Variants in FABP6 observed in about 807,000 individuals in gnomAD.
FABP6 encodes fatty acid binding protein 6, also known as gastrotropin.
In FABP6, 13 loss-of-function variants were observed where a neutral mutation model predicts 14.9. The observed-to-expected ratio is 0.87, with a 90% CI of 0.57 to 1.39. The LOEUF is 1.39. Among genes scored for constraint, FABP6 ranks in the 40% most tolerant of loss-of-function variants. FABP6 has a pLI of 0.00. For synonymous variants in FABP6, 75 were observed against 63.6 expected (o/e 1.18, Z -0.85); for missense variants, 161 against 167.2 (o/e 0.96, Z 0.20).
At chr5:160,211,729 C>A (rs188755313) in intron 2 of FABP6, among the ~76,000 whole-genome samples, 3 of 152,282 alleles carry the variant, frequency 2.0e-5, no homozygotes, top group Admixed American at 2.0e-4. Context: ...TTACTCCATA[C>A]GTTTCCAAAA....
At chr5:160,235,813 C>T (rs941584741) in intron 3 of FABP6, among the ~76,000 whole-genome samples, 8 of 152,082 alleles carry the variant, frequency 5.3e-5, no homozygotes, top group African/African-American at 9.7e-5. Flanking sequence ...CTTGTGCCCA[C>T]ATCTCAAGCC....
At chr5:160,214,105 TTCTTTCTTTC>T (rs1759957368) in intron 3 of FABP6, among the ~76,000 whole-genome samples, 1 of 123,304 alleles carries the variant, frequency 8.1e-6, no homozygotes, top group Non-Finnish European at 1.7e-5. Flanking sequence ...CTTTCTTTCT[TTCTTTCTTTC>T]TTTCTTTCTT....
At chr5:160,224,383 A>G (rs1198460227) in intron 3 of FABP6, among the ~76,000 whole-genome samples, 1 of 152,194 alleles carries the variant, frequency 6.6e-6, no homozygotes, top group Non-Finnish European at 1.5e-5. Flanking sequence ...TTTTTGTGCC[A>G]CTGCACTCCA....
At chr5:160,192,398 A>G (rs1173012278) in intron 1 of FABP6, among the ~76,000 whole-genome samples, 4 of 152,196 alleles carry the variant, frequency 2.6e-5, no homozygotes, top group African/African-American at 9.6e-5. Context: ...TTTTCTGCAC[A>G]CACTGCATCT....
chr5:160,211,238 T>C (rs1333144843), intron 2 of FABP6, among the ~76,000 whole-genome samples: 1 of 152,116 alleles, frequency 6.6e-6, no homozygotes, highest in South Asian at 2.1e-4. Flanking sequence ...GAGCTGCTCC[T>C]TGAAGATACT....
At chr5:160,201,630 C>T (rs1441075858) in intron 2 of FABP6, among the ~76,000 whole-genome samples, 1 of 150,900 alleles carries the variant, frequency 6.6e-6, no homozygotes, top group African/African-American at 2.4e-5. Context: ...GGTGGGATTC[C>T]CTCTCCCCTT....
At chr5:160,229,656 G>C in intron 1 of FABP6, 32 bp downstream of exon 1, 1 of 1,610,738 alleles carries the variant, frequency 6.2e-7, no homozygotes, top group East Asian at 2.2e-5. Context: ...CCTTCCTCGG[G>C]GTTGGTTTGT....
At chr5:160,232,445 T>C (rs1274267652) in intron 2 of FABP6, among the ~76,000 whole-genome samples, 172 bp downstream of exon 2, 1 of 152,196 alleles carries the variant, frequency 6.6e-6, no homozygotes, top group Admixed American at 6.5e-5. Flanking sequence ...TGGTCAAACA[T>C]GGGCACTAAA....
chr5:160,238,249 T>C (rs1163262165), intron 3 of FABP6, among the ~76,000 whole-genome samples: 3 of 152,182 alleles, frequency 2.0e-5, no homozygotes, highest in Admixed American at 6.5e-5. Flanking sequence ...GAAGGATTAC[T>C]TGACTTCTCT....
chr5:160,207,015 G>A (rs1218243561), intron 2 of FABP6, among the ~76,000 whole-genome samples: 2 of 152,204 alleles, frequency 1.3e-5, no homozygotes, highest in African/African-American at 2.4e-5. Flanking sequence ...TTCCTCATAG[G>A]CAAATAATTG....
At chr5:160,203,041 A>T (rs747507398) in intron 2 of FABP6, among the ~76,000 whole-genome samples, 55 of 151,786 alleles carry the variant, frequency 3.6e-4, no homozygotes, top group Non-Finnish European at 7.2e-4. Context: ...AGCTGAGATT[A>T]TAGGCATGCA....
At chr5:160,233,833 T>C (rs140278522) in intron 2 of FABP6, among the ~76,000 whole-genome samples, 2,054 of 151,178 alleles carry the variant, frequency 0.014, 18 homozygotes, top group South Asian at 0.034. Flanking sequence ...GATCACACCA[T>C]TGCACTCCAG....
At chr5:160,222,284 G>A (rs1312440484) in intron 3 of FABP6, among the ~76,000 whole-genome samples, 20 of 151,696 alleles carry the variant, frequency 1.3e-4, no homozygotes, top group African/African-American at 4.6e-4. Flanking sequence ...TAGAGATGAG[G>A]TCTCTATATT....
At chr5:160,219,015 A>G (rs936727319) in intron 3 of FABP6, among the ~76,000 whole-genome samples, 2 of 152,192 alleles carry the variant, frequency 1.3e-5, no homozygotes, top group African/African-American at 2.4e-5. Flanking sequence ...GAGTAAAACT[A>G]GAAGTATCAT....
chr5:160,193,792 T>C (rs1759450750), intron 1 of FABP6, among the ~76,000 whole-genome samples: 1 of 152,152 alleles, frequency 6.6e-6, no homozygotes, highest in African/African-American at 2.4e-5. Context: ...ACATAAAGAT[T>C]CTCCACCTCC....
chr5:160,236,880 G>A (rs977345339), intron 3 of FABP6, among the ~76,000 whole-genome samples: 1 of 151,936 alleles, frequency 6.6e-6, no homozygotes, highest in African/African-American at 2.4e-5. Flanking sequence ...TACTTAGGAG[G>A]CTGAGGCAGG....
At chr5:160,221,981 C>T (rs1294923444) in intron 3 of FABP6, among the ~76,000 whole-genome samples, 1 of 151,608 alleles carries the variant, frequency 6.6e-6, no homozygotes, top group African/African-American at 2.4e-5. Context: ...AAGCTTTTGT[C>T]TTTTTAAACA....
chr5:160,223,364 TC>T lies in FABP6; in HGVS notation c.136-6179del, dbSNP rs1309400066. On this transcript the variant is annotated intron_variant, in intron 3 of 6. Transcript: ENST00000393980. ...TTCCTTCCTTCCTTCCTTCCTTCTTTCCCTCCCTCCCTCCCTCCCTCTCTCC... is the reference window on the plus strand; with the variant it reads ...TTCCTTCCTTCCTTCCTTCCTTCTTTCCTCCCTCCCTCCCTCCCTCTCTCC... Among the ~76,000 whole-genome samples the T allele has an allele frequency of 6.3e-4, 40 of 63,822 alleles. 1 individual carries two copies. Among genetic ancestry groups the T allele is most frequent in the East Asian group, 2.6e-3 (4 of 1,514 alleles). 41.9% of individuals were successfully genotyped at this position (63,822 alleles called of 152,430 possible).
At chr5:160,228,937 T>C (rs1760308601), upstream of FABP6, among the ~76,000 whole-genome samples, 1 of 152,100 alleles carries the variant, frequency 6.6e-6, no homozygotes, top group Non-Finnish European at 1.5e-5. Flanking sequence ...CCAAGACGGG[T>C]GCCAAATGCC....
Sources: allele counts gnomAD v4.1 joint callset (sites outside exome capture counted in the v4.1 genomes callset), GRCh38; gene constraint gnomAD v4.1.1; transcripts MANE v1.5; gene names NCBI Gene and HGNC (gene_info 2026-07-23, HGNC 2026-07-21).